Variants in INTS7 observed in about 807,000 individuals in gnomAD.
INTS7 encodes the protein chromosome 1 open reading frame 73.
INTS7 carries 46 observed loss-of-function variants against 109.2 expected under a neutral mutation model. The observed-to-expected ratio is 0.42, with a 90% CI of 0.33 to 0.54. The LOEUF is 0.54. Among genes scored for constraint, INTS7 ranks in the 20% least tolerant of loss-of-function variants. The pLI, the probability that INTS7 is intolerant of heterozygous loss-of-function variation, is 0.07. For missense variants in INTS7, 929 were observed against 1,132.4 expected, an observed-to-expected ratio of 0.82 and a Z score of 2.58; for synonymous variants, 412 against 402.9, an observed-to-expected ratio of 1.02 and a Z score of -0.27.
Position 212,006,708 on chromosome 1 carries a change from T to G in INTS7, c.810A>C (p.Arg270Ser). ...GTAATTTCAGATCTTGAATAGCAAG[T>G]CTCTTTACTGCCTTCCTGGGATCAT... ...LKNDPRKAVK[R>S]LAIQDLKLLA... is the part of the protein sequence containing the mutation. The change falls in exon 7 of 20, where the codon AGA becomes AGC. Residue 270 changes from arginine (R) to serine (S), a missense_variant. Transcript: ENST00000366994. 1 of 1,602,520 alleles carries G rather than the reference T, an allele frequency of 6.2e-7. No individual in the cohort carries two copies. Among genetic ancestry groups the G allele is most frequent in the Non-Finnish European group, 8.5e-7 (1 of 1,170,876 alleles).
intron 1 of INTS7, among the ~76,000 whole-genome samples, chr1:212,023,252 C>T (rs1268396940): frequency 1.3e-5 from 2 of 152,048 alleles, no homozygotes; most frequent in African/African-American, 4.8e-5. Context: ...GATTTATTTT[C>T]CTTTGTGTAT....
intron 13 of INTS7, among the ~76,000 whole-genome samples, chr1:211,974,510 T>G (rs1258770143): frequency 6.6e-6 from 1 of 151,886 alleles, no homozygotes; most frequent in Non-Finnish European, 1.5e-5. Flanking sequence ...TGTGACAGTA[T>G]TTTTAAAATG....
At chr1:211,989,256 G>GAATAGATTCA (rs1665039719) in intron 7 of INTS7, among the ~76,000 whole-genome samples, 1 of 151,924 alleles carries the variant, frequency 6.6e-6, no homozygotes, top group South Asian at 2.1e-4. Context: ...AACTGGCAAG[G>GAATAGATTCA]AATAGATTCA....
intron 1 of INTS7, among the ~76,000 whole-genome samples, chr1:212,032,138 C>T (rs1667192994): frequency 6.6e-6 from 1 of 152,194 alleles, no homozygotes; most frequent in Non-Finnish European, 1.5e-5. Context: ...ACTCTTATAT[C>T]CTCATCTAAT....
At chr1:211,960,069 A>G (rs1317416629) in intron 16 of INTS7, among the ~76,000 whole-genome samples, 1 of 152,174 alleles carries the variant, frequency 6.6e-6, no homozygotes, top group Non-Finnish European at 1.5e-5. Flanking sequence ...GGAGTGTAGT[A>G]ACCAGTGGCC....
At chr1:211,960,358 G>C (rs1663562007) in intron 16 of INTS7, among the ~76,000 whole-genome samples, 1 of 151,302 alleles carries the variant, frequency 6.6e-6, no homozygotes, top group South Asian at 2.1e-4. Flanking sequence ...AGACGAGAAA[G>C]AACCAGTGCA....
chr1:211,955,116 G>A (rs1290782936), intron 16 of INTS7, among the ~76,000 whole-genome samples: 1 of 152,152 alleles, frequency 6.6e-6, no homozygotes, highest in Non-Finnish European at 1.5e-5. Context: ...CTTGTCCCTT[G>A]TAAGTTGGAT....
chr1:211,972,686 A>G (rs1274365418), intron 13 of INTS7, among the ~76,000 whole-genome samples: 4 of 152,210 alleles, frequency 2.6e-5, no homozygotes, highest in African/African-American at 9.7e-5. Context: ...TTGACTTTAT[A>G]TTAGTAGAAA....
intron 5 of INTS7, among the ~76,000 whole-genome samples, chr1:212,008,650 C>A (rs184703501): frequency 6.6e-6 from 1 of 152,248 alleles, no homozygotes; most frequent in East Asian, 1.9e-4. Flanking sequence ...ACTAGGAGGT[C>A]TCAGAAGCAT....
chr1:212,035,230 G>A (rs1667380631), intron 1 of INTS7, 114 bp downstream of exon 1: 2 of 738,008 alleles, frequency 2.7e-6, no homozygotes, highest in South Asian at 3.2e-5. Context: ...GGCGCTCCCC[G>A]CCCAGCGAAG....
chr1:212,000,858 T>C (rs1185420966), intron 7 of INTS7, among the ~76,000 whole-genome samples: 1 of 152,178 alleles, frequency 6.6e-6, no homozygotes, highest in East Asian at 1.9e-4. Context: ...TCCTATTCTA[T>C]GTGAACTAGA....
chr1:211,996,091 A>T (rs1665372874), intron 7 of INTS7, among the ~76,000 whole-genome samples: 1 of 152,232 alleles, frequency 6.6e-6, no homozygotes, highest in African/African-American at 2.4e-5. Context: ...CCTAAGTAAT[A>T]TCACCAATAA....
intron 11 of INTS7, among the ~76,000 whole-genome samples, chr1:211,978,049 A>C (rs1243450024): frequency 1.3e-5 from 2 of 152,220 alleles, no homozygotes; most frequent in African/African-American, 2.4e-5. Flanking sequence ...GCAGTTTTAG[A>C]GGTGAACAAA....
At chr1:211,976,848 A>G in intron 11 of INTS7, 129 bp from the exon 12 acceptor site, 1 of 762,700 alleles carries the variant, frequency 1.3e-6, no homozygotes, top group Non-Finnish European at 2.1e-6. Context: ...TTCCAATGAC[A>G]TTTATTTAAT....
intron 13 of INTS7, among the ~76,000 whole-genome samples, chr1:211,971,623 T>C (rs949375524): frequency 6.6e-6 from 1 of 152,004 alleles, no homozygotes; most frequent in African/African-American, 2.4e-5. Context: ...CATGTTGAAA[T>C]TACAAAGAAA....
At chr1:211,971,488 A>G (rs1664166493) in intron 13 of INTS7, among the ~76,000 whole-genome samples, 1 of 152,226 alleles carries the variant, frequency 6.6e-6, no homozygotes, top group Admixed American at 6.5e-5. Context: ...CTGCAACAAA[A>G]TGGATGAATC....
At position 211,946,682 on chromosome 1, in the gene INTS7, G is replaced by T. The variant is rs145838199; in HGVS notation, c.2340C>A (p.Ala780=). 35 of 1,612,150 alleles carry T rather than the reference G, an allele frequency of 2.2e-5. No homozygotes were observed. The African/African-American group carries it at 4.7e-4, about 22-fold the overall frequency. Residue 780 remains alanine (A), a synonymous_variant, in exon 18 of 20, where the codon GCC becomes GCA. Coordinates refer to ENST00000366994, the MANE Select transcript of INTS7 (RefSeq NM_015434.4). This position sits in a 1 kb window ranked among gnomAD's most constrained non-coding sequence, Gnocchi z 4.3. ...GGGGAACTTTCAGCAAAGCAATGAT[G>T]GCATTGCAGAGGCATGCTGTGTGCT... ...SYMHTACLCN[A]IIALLKVPLS... is the part of the protein sequence containing the mutation.
At chr1:212,030,568 T>A (rs1225664181) in intron 1 of INTS7, among the ~76,000 whole-genome samples, 1 of 152,034 alleles carries the variant, frequency 6.6e-6, no homozygotes, top group Non-Finnish European at 1.5e-5. Flanking sequence ...GGATGACAGG[T>A]GTGAGTCACT....
At chr1:211,969,128 C>CA (rs961456245) in intron 13 of INTS7, among the ~76,000 whole-genome samples, 1 of 151,746 alleles carries the variant, frequency 6.6e-6, no homozygotes, top group Non-Finnish European at 1.5e-5. Flanking sequence ...ATTAAAAATA[C>CA]AAAAAAATTA....
Sources: allele counts gnomAD v4.1 joint callset (sites outside exome capture counted in the v4.1 genomes callset), GRCh38; gene constraint gnomAD v4.1.1; non-coding constraint Gnocchi (gnomAD v3.1); transcripts MANE v1.5; gene names NCBI Gene and HGNC (gene_info 2026-07-23, HGNC 2026-07-21).